The following NAA20 variants were observed in gnomAD, a reference collection of about 807,000 sequenced individuals.
NAA20 encodes N-alpha-acetyltransferase 20.
A neutral mutation model predicts 23.8 loss-of-function variants in NAA20; 24 were observed. That is an observed-to-expected ratio of 1.01 (90% CI 0.73 to 1.42). The LOEUF is 1.42. NAA20 is among the 40% of genes most tolerant of loss of function. NAA20 has a pLI of 0.00. For synonymous variants in NAA20, 83 were observed against 77.7 expected (o/e 1.07, Z -0.36); for missense variants, 166 against 223.1 (o/e 0.74, Z 1.63).
At chr20:20,026,696 TG>T in intron 3 of NAA20, 87 bp from the exon 4 acceptor site, 1 of 1,531,830 alleles carries the variant, frequency 6.5e-7, no homozygotes, top group African/African-American at 1.4e-5. Context: ...TAGTTTCCTT[TG>T]TAATAAAAAC....
chr20:20,032,079 G>A (rs1419379573), intron 4 of NAA20, among the ~76,000 whole-genome samples: 1 of 148,804 alleles, frequency 6.7e-6, no homozygotes, highest in African/African-American at 2.6e-5. Flanking sequence ...CGTATCAACA[G>A]GACCGTGAAT....
At chr20:20,029,474 G>A (rs185056705) in intron 4 of NAA20, among the ~76,000 whole-genome samples, 4 of 152,010 alleles carry the variant, frequency 2.6e-5, no homozygotes, top group Non-Finnish European at 5.9e-5. Context: ...AAAATTAGCC[G>A]GGTGTGGTAG....
In NAA20 at chr20:20,025,642, T is replaced by C. The variant is rs766640214; in HGVS notation, c.79-35T>C. 14 of 1,487,066 alleles carry C rather than the reference T, an allele frequency of 9.4e-6. No homozygotes were observed. In the East Asian group the frequency reaches 2.7e-4, roughly 29 times the overall value. The allele number at this position is 1,487,066 out of a possible 1,614,324, so 92.1% of individuals were successfully genotyped here. A position where few individuals can be genotyped will look rare whatever the true frequency, so the allele number is the denominator to read the frequency against. On this transcript the variant is annotated intron_variant, in intron 2 of 5. Transcript: ENST00000334982. ...TCCCTTAATGAAGAACTTTTTACTG[T>C]CCATTACTTTTCACACTCCTTAACA...
At chr20:20,022,425 T>C in intron 1 of NAA20, 31 bp from the exon 2 acceptor site, 1 of 1,584,596 alleles carries the variant, frequency 6.3e-7, no homozygotes, top group South Asian at 1.2e-5. Context: ...TAAACGCTGC[T>C]TACTAGAGAC....
chr20:20,029,450 C>T (rs1484619711), intron 4 of NAA20, among the ~76,000 whole-genome samples: 2 of 151,846 alleles, frequency 1.3e-5, no homozygotes, highest in South Asian at 4.2e-4. Context: ...AATCCCGTCT[C>T]GACTAAAAAT....
chr20:20,023,314 A>AAC (rs2043284482), intron 2 of NAA20, among the ~76,000 whole-genome samples: 1 of 148,104 alleles, frequency 6.8e-6, no homozygotes. Flanking sequence ...CTCCGTCTCA[A>AAC]AAAAAAAAAA....
intron 2 of NAA20, among the ~76,000 whole-genome samples, chr20:20,023,121 C>A (rs143763674): frequency 1.2e-4 from 19 of 152,260 alleles, no homozygotes; most frequent in Admixed American, 3.3e-4. Context: ...CCGTCCGTCT[C>A]TAGTAAAAAT....
At chr20:20,026,551 G>A (rs6035522) in intron 3 of NAA20, among the ~76,000 whole-genome samples, 1,720 of 148,668 alleles carry the variant, frequency 0.012, 23 homozygotes, top group African/African-American at 0.04. Context: ...TAAGTATATC[G>A]TTCTTTTTTG....
At position 20,018,989 on chromosome 20, in the gene NAA20, CA is replaced by C. The variant is rs2043250482; in HGVS notation, c.53+1541del. ...AGAAACGCACATTCCGTTTGCGATCCACTGCTCTGGAGTGGGTCTTAACCCA... is the reference window on the plus strand; with the variant it reads ...AGAAACGCACATTCCGTTTGCGATCCCTGCTCTGGAGTGGGTCTTAACCCA... On this transcript the variant is annotated intron_variant, in intron 1 of 5. Coordinates refer to ENST00000334982, the MANE Select transcript of NAA20 (RefSeq NM_016100.5). 3 of 960,978 alleles carry C rather than the reference CA, an allele frequency of 3.1e-6. No individual in the cohort carries two copies. The East Asian group carries it at 3.5e-4, about 111-fold the overall frequency. The allele number at this position is 960,978 out of a possible 1,614,324, so 59.5% of individuals were successfully genotyped here.
chr20:20,023,924 T>C (rs2043289199), intron 2 of NAA20, among the ~76,000 whole-genome samples: 1 of 152,198 alleles, frequency 6.6e-6, no homozygotes, highest in Admixed American at 6.5e-5. Context: ...TCCTGAAAGC[T>C]GAAAATAAGA....
intron 3 of NAA20, 77 bp downstream of exon 3, chr20:20,025,844 C>A: frequency 1.1e-6 from 1 of 950,810 alleles, no homozygotes; most frequent in Non-Finnish European, 1.7e-6. Flanking sequence ...CTTTAGACTG[C>A]AGAATTGGAA....
intron 4 of NAA20, among the ~76,000 whole-genome samples, chr20:20,028,729 A>G (rs1409535639): frequency 6.6e-6 from 1 of 152,206 alleles, no homozygotes; most frequent in Non-Finnish European, 1.5e-5. Flanking sequence ...ACATGTATAC[A>G]TAGTGCATAC....
intron 4 of NAA20, among the ~76,000 whole-genome samples, chr20:20,032,247 G>GT (rs951737805): frequency 3.3e-5 from 5 of 151,730 alleles, no homozygotes; most frequent in African/African-American, 1.2e-4. Flanking sequence ...AATGCCTTGA[G>GT]TTTATCTTTT....
intron 1 of NAA20, among the ~76,000 whole-genome samples, chr20:20,019,802 T>C (rs922869346): frequency 4.6e-5 from 7 of 152,212 alleles, no homozygotes; most frequent in African/African-American, 1.7e-4. Context: ...CCCGGGCTGG[T>C]CTGGAACTCC....
At chr20:20,024,847 C>T (rs1376830413) in intron 2 of NAA20, among the ~76,000 whole-genome samples, 1 of 152,102 alleles carries the variant, frequency 6.6e-6, no homozygotes, top group Non-Finnish European at 1.5e-5. Flanking sequence ...TGAAGAATTT[C>T]GCACGGAACA....
chr20:20,032,358 T>C (rs2043349545), intron 4 of NAA20, 150 bp from the exon 5 acceptor site: 3 of 588,188 alleles, frequency 5.1e-6, no homozygotes, highest in Non-Finnish European at 8.1e-6. Flanking sequence ...CAAATTTCTA[T>C]TACCATGTAA....
intron 1 of NAA20, among the ~76,000 whole-genome samples, chr20:20,020,006 A>G (rs541768802): frequency 7.9e-5 from 12 of 152,372 alleles, no homozygotes; most frequent in African/African-American, 2.4e-4. Context: ...GAACACTGCA[A>G]TTAATTTAAC....
intron 2 of NAA20, among the ~76,000 whole-genome samples, chr20:20,024,976 A>G (rs2043297519): frequency 6.6e-6 from 1 of 152,226 alleles, no homozygotes. Flanking sequence ...TACAGAGTAA[A>G]AAGAAGAAGA....
At chr20:20,026,168 G>T (rs186314062) in intron 3 of NAA20, among the ~76,000 whole-genome samples, 98 of 152,208 alleles carry the variant, frequency 6.4e-4, no homozygotes, top group African/African-American at 2.3e-3. Context: ...AGCTGGGCGT[G>T]GTATCGCGTG....
Sources: gnomAD v4.1 joint callset for allele counts (sites outside exome capture counted in the v4.1 genomes callset) on GRCh38, gnomAD v4.1.1 for gene constraint, MANE v1.5 for transcripts, NCBI Gene and HGNC (gene_info 2026-07-23, HGNC 2026-07-21) for gene names.